ATP8A2: variants seen among roughly 807,000 people sequenced by gnomAD.
ATP8A2 encodes the protein ATPase phospholipid transporting 8A2.
In ATP8A2, 100 loss-of-function variants were observed where a neutral mutation model predicts 165.6. That is an observed-to-expected ratio of 0.60 (90% CI 0.51 to 0.71). ATP8A2 has a LOEUF of 0.71. Among genes scored for constraint, ATP8A2 ranks in the 30% least tolerant of loss-of-function variants. ATP8A2 has a pLI of 0.00. For missense variants in ATP8A2, 1,227 were observed against 1,479.5 expected (o/e 0.83, Z 2.80); for synonymous variants, 543 against 548.8 (o/e 0.99, Z 0.15).
At chr13:25,862,277 C>G in intron 32 of ATP8A2, 24 bp from the exon 33 acceptor site, 1 of 1,584,624 alleles carries the variant, frequency 6.3e-7, no homozygotes, top group South Asian at 1.1e-5. Flanking sequence ...AGAAGCCTGT[C>G]TGAGTGTCTA....
At chr13:25,996,689 C>T (rs1956514362) in intron 35 of ATP8A2, among the ~76,000 whole-genome samples, 1 of 151,780 alleles carries the variant, frequency 6.6e-6, no homozygotes, top group Non-Finnish European at 1.5e-5. Context: ...CCATGCCTGG[C>T]TAATTTTTTT....
intron 2 of ATP8A2, among the ~76,000 whole-genome samples, chr13:25,528,774 GCACA>G (rs1566224673): frequency 0.04 from 3,057 of 75,664 alleles, 343 homozygotes; most frequent in Middle Eastern, 0.054. Flanking sequence ...ACATGTGTAT[GCACA>G]CATATGCAAC....
intron 33 of ATP8A2, among the ~76,000 whole-genome samples, chr13:25,878,757 C>T (rs1210332642): frequency 6.6e-6 from 1 of 152,080 alleles, no homozygotes; most frequent in East Asian, 1.9e-4. Flanking sequence ...ACCTCAGGCT[C>T]TCAACTCTCT....
chr13:25,772,823 G>A (rs1220168635), intron 26 of ATP8A2, among the ~76,000 whole-genome samples: 6 of 151,486 alleles, frequency 4.0e-5, no homozygotes, highest in South Asian at 2.1e-4. Flanking sequence ...GCTGGATCTC[G>A]GCTCACTGCA....
chr13:25,762,820 C>G (rs1025598976), intron 25 of ATP8A2, among the ~76,000 whole-genome samples: 1 of 152,056 alleles, frequency 6.6e-6, no homozygotes, highest in Non-Finnish European at 1.5e-5. Flanking sequence ...TGGATATAAC[C>G]AATTATGTTG....
intron 24 of ATP8A2, among the ~76,000 whole-genome samples, chr13:25,592,843 T>C (rs2040127248): frequency 6.6e-6 from 1 of 152,154 alleles, no homozygotes; most frequent in African/African-American, 2.4e-5. Flanking sequence ...TTTATGGGTG[T>C]TTTCCTGACT....
intron 30 of ATP8A2, among the ~76,000 whole-genome samples, chr13:25,841,364 CCAT>C (rs1292559113): frequency 6.6e-6 from 1 of 152,192 alleles, no homozygotes; most frequent in East Asian, 1.9e-4. Flanking sequence ...TTTATTATCA[CCAT>C]CATCATCAAT....
At chr13:25,848,306 C>A (rs1951921601) in intron 30 of ATP8A2, among the ~76,000 whole-genome samples, 1 of 152,248 alleles carries the variant, frequency 6.6e-6, no homozygotes, top group Non-Finnish European at 1.5e-5. Flanking sequence ...AGGGGAGAGG[C>A]AAGATGGTTT....
At chr13:26,002,795 TC>T (rs1295290093) in intron 35 of ATP8A2, among the ~76,000 whole-genome samples, 1 of 151,968 alleles carries the variant, frequency 6.6e-6, no homozygotes, top group East Asian at 1.9e-4. Context: ...TCTTGGTTTA[TC>T]CATGTTATAG....
At chr13:25,473,009 A>G (rs1014655473) in intron 2 of ATP8A2, among the ~76,000 whole-genome samples, 1 of 152,202 alleles carries the variant, frequency 6.6e-6, no homozygotes, top group South Asian at 2.1e-4. Flanking sequence ...CTATGGATCA[A>G]GTTTACTGGA....
At chr13:25,923,188 G>A (rs758572902) in intron 33 of ATP8A2, among the ~76,000 whole-genome samples, 1 of 152,160 alleles carries the variant, frequency 6.6e-6, no homozygotes, top group Non-Finnish European at 1.5e-5. Context: ...AACAATACCA[G>A]TCAAGTTTCC....
At chr13:25,748,314 G>T (rs1323116986) in intron 25 of ATP8A2, among the ~76,000 whole-genome samples, 2 of 152,166 alleles carry the variant, frequency 1.3e-5, no homozygotes, top group African/African-American at 4.8e-5. Flanking sequence ...TATTTTGAAT[G>T]TTCTTTAGAA....
chr13:25,753,038 G>A (rs2044186857), intron 25 of ATP8A2, among the ~76,000 whole-genome samples: 1 of 152,166 alleles, frequency 6.6e-6, no homozygotes, highest in Non-Finnish European at 1.5e-5. Context: ...TGGCTGCTGT[G>A]GGGTCTTTGT....
rs551017321 is a variant in ATP8A2, at chr13:25,855,843, G to A, written c.2957-4352G>A. On this transcript the variant is annotated intron_variant, in intron 30 of 36. Coordinates refer to ENST00000381655, the MANE Select transcript of ATP8A2 (RefSeq NM_016529.6). ...TTGTCTGTTTTTCTGTAGGCACCCC[G>A]GTGGGTGTTAAGTGGTATCTCATTG... is the stretch of plus-strand genomic sequence containing the variant. Among the ~76,000 whole-genome samples the A allele has an allele frequency of 3.9e-5, 6 of 152,234 alleles. No homozygotes were observed. The East Asian group carries it at 5.8e-4, about 15-fold the overall frequency.
chr13:25,598,391 T>C (rs185995712), intron 24 of ATP8A2, among the ~76,000 whole-genome samples: 2 of 152,338 alleles, frequency 1.3e-5, no homozygotes, highest in African/African-American at 4.8e-5. Flanking sequence ...CCAGAAAGCC[T>C]ATTGGGATTT....
chr13:25,821,367 G>C (rs1951175622), intron 27 of ATP8A2, among the ~76,000 whole-genome samples: 1 of 152,150 alleles, frequency 6.6e-6, no homozygotes. Flanking sequence ...TCAACAGCTT[G>C]CGTGTCTTGA....
intron 27 of ATP8A2, among the ~76,000 whole-genome samples, chr13:25,793,090 A>G (rs1020741600): frequency 2.0e-5 from 3 of 152,084 alleles, no homozygotes; most frequent in African/African-American, 7.2e-5. Context: ...TAGGAGTGGT[A>G]CCTTTTCCCA....
intron 2 of ATP8A2, among the ~76,000 whole-genome samples, chr13:25,494,312 T>C (rs1021797940): frequency 6.6e-6 from 1 of 152,160 alleles, no homozygotes; most frequent in Admixed American, 6.5e-5. Context: ...CTGCATTTAA[T>C]TGTGTGTATA....
chr13:25,516,627 A>G (rs550134986), intron 2 of ATP8A2, among the ~76,000 whole-genome samples: 6 of 152,156 alleles, frequency 3.9e-5, no homozygotes, highest in Non-Finnish European at 8.8e-5. Context: ...TTTATAACAA[A>G]TAATTGTTGT....
Sources: gnomAD v4.1 joint callset for allele counts (sites outside exome capture counted in the v4.1 genomes callset) on GRCh38, gnomAD v4.1.1 for gene constraint, MANE v1.5 for transcripts, NCBI Gene and HGNC (gene_info 2026-07-23, HGNC 2026-07-21) for gene names.